BMERB1: variants seen among roughly 807,000 people sequenced by gnomAD.
The protein encoded by BMERB1 is bMERB domain containing 1, also known as bMERB domain-containing protein 1.
Under a neutral mutation model 23.6 loss-of-function variants are expected in BMERB1, and 12 were observed. The observed-to-expected ratio is 0.51, with a 90% CI of 0.33 to 0.82. The LOEUF (loss-of-function observed/expected upper bound fraction) is 0.82, where lower values mean the gene tolerates loss of function less well. Ranked by LOEUF, BMERB1 falls within the 40% of genes least tolerant of loss-of-function variation. BMERB1 has a pLI of 0.03. For synonymous variants in BMERB1, 122 were observed against 96.6 expected (o/e 1.26, Z -1.54); for missense variants, 247 against 255.4 (o/e 0.97, Z 0.22).
At chr16:15,446,950 C>G (rs1199524160) in intron 1 of BMERB1, among the ~76,000 whole-genome samples, 1 of 152,148 alleles carries the variant, frequency 6.6e-6, no homozygotes, top group Non-Finnish European at 1.5e-5. Context: ...TTTGAATGAT[C>G]AAGAAGGATT....
chr16:15,451,328 C>T (rs2051039404), intron 1 of BMERB1, among the ~76,000 whole-genome samples: 2 of 151,706 alleles, frequency 1.3e-5, no homozygotes, highest in African/African-American at 2.4e-5. Context: ...GTAGCTGGGA[C>T]CACAGGTGCA....
chr16:15,512,012 C>CAAAAAAAAAAA lies in BMERB1; in HGVS notation c.107-3277_107-3267dup, dbSNP rs57021793. Among the ~76,000 whole-genome samples, 8 of 61,128 alleles carry CAAAAAAAAAAA rather than the reference C, an allele frequency of 1.3e-4. 1 individual carries two copies. The highest frequency in any genetic ancestry group is 1.7e-4 in the African/African-American group (3 of 17,172). 40.1% of individuals were successfully genotyped at this position (61,128 alleles called of 152,430 possible). ...TGGGCAACAGAGCAAGACTTGCTCT[C>CAAAAAAAAAAA]AAAAAAAAAAAAAAAAAAAAAAAAA... On this transcript the variant is annotated intron_variant, in intron 1 of 5. Coordinates refer to ENST00000300006, the MANE Select transcript of BMERB1 (RefSeq NM_033201.3).
chr16:15,571,033 G>A (rs1249245740), intron 3 of BMERB1, among the ~76,000 whole-genome samples: 1 of 150,916 alleles, frequency 6.6e-6, no homozygotes, highest in Admixed American at 6.6e-5. Context: ...GTTTTATCAG[G>A]AAGGTCTTTG....
In BMERB1 at chr16:15,436,293, T is replaced by C. The variant is rs190915184; in HGVS notation, c.106+1534T>C. Among the ~76,000 whole-genome samples, 608 of 150,758 alleles carry C rather than the reference T, an allele frequency of 4.0e-3. 8 individuals carry two copies. The highest frequency in any genetic ancestry group is 0.014 in the African/African-American group (570 of 40,994). ...TTTTTTTTGAGACGGAGTTTCGCTC[T>C]TGTTGCCCAGACTGGAGTGCAATGA... On this transcript the variant is annotated intron_variant, in intron 1 of 5. Coordinates refer to ENST00000300006, the MANE Select transcript of BMERB1 (RefSeq NM_033201.3).
chr16:15,467,346 T>C (rs370335034), intron 1 of BMERB1, among the ~76,000 whole-genome samples: 17 of 152,322 alleles, frequency 1.1e-4, no homozygotes, highest in African/African-American at 4.1e-4. Context: ...CATCCTCACC[T>C]GCATTTGGTG....
intron 2 of BMERB1, among the ~76,000 whole-genome samples, chr16:15,561,596 G>C (rs142440538): frequency 2.3e-4 from 35 of 152,078 alleles, no homozygotes; most frequent in African/African-American, 7.9e-4. Context: ...CACAGCTAAT[G>C]ATAATAATAG....
At chr16:15,547,459 A>G (rs2029956263) in intron 2 of BMERB1, among the ~76,000 whole-genome samples, 1 of 150,504 alleles carries the variant, frequency 6.6e-6, no homozygotes, top group Non-Finnish European at 1.5e-5. Context: ...CTCCTGCTGC[A>G]GCCTCCCAAA....
intron 1 of BMERB1, among the ~76,000 whole-genome samples, chr16:15,466,720 C>G (rs12927561): frequency 1.3e-5 from 2 of 150,652 alleles, no homozygotes; most frequent in African/African-American, 4.9e-5. Flanking sequence ...ATGTGTGTGT[C>G]TGTGTGTGTG....
chr16:15,559,210 G>C (rs2030351018), intron 2 of BMERB1, among the ~76,000 whole-genome samples: 1 of 152,192 alleles, frequency 6.6e-6, no homozygotes, highest in Admixed American at 6.5e-5. Flanking sequence ...CATTGGCCCA[G>C]AGTAGATGTC....
At chr16:15,568,349 C>G (rs914925982) in intron 3 of BMERB1, among the ~76,000 whole-genome samples, 11 of 152,114 alleles carry the variant, frequency 7.2e-5, no homozygotes, top group African/African-American at 2.7e-4. Context: ...TATAAATATC[C>G]TAAAGAGGCT....
At chr16:15,532,096 CTCCT>C (rs1351185922) in intron 2 of BMERB1, among the ~76,000 whole-genome samples, 2 of 152,174 alleles carry the variant, frequency 1.3e-5, no homozygotes, top group African/African-American at 4.8e-5. Context: ...ATCTTGTTGT[CTCCT>C]GGAATTCCAG....
intron 3 of BMERB1, among the ~76,000 whole-genome samples, chr16:15,577,473 G>A (rs1194645233): frequency 6.6e-6 from 1 of 152,168 alleles, no homozygotes; most frequent in African/African-American, 2.4e-5. Context: ...GCGGGCATAA[G>A]GCAGAGTGAG....
At chr16:15,565,699 T>TA (rs2030544558) in intron 2 of BMERB1, among the ~76,000 whole-genome samples, 1 of 151,940 alleles carries the variant, frequency 6.6e-6, no homozygotes, top group South Asian at 2.1e-4. Context: ...TTTTAAAAAT[T>TA]AAAAAAAGTA....
chr16:15,531,504 T>G (rs139093766), intron 2 of BMERB1, among the ~76,000 whole-genome samples: 17 of 152,136 alleles, frequency 1.1e-4, no homozygotes, highest in African/African-American at 4.1e-4. Context: ...GCAATTCATA[T>G]AAGGGCCAAG....
chr16:15,539,562 G>C (rs1322294147), intron 2 of BMERB1, among the ~76,000 whole-genome samples: 1 of 151,616 alleles, frequency 6.6e-6, no homozygotes, highest in African/African-American at 2.4e-5. Context: ...ATTTTTTTTC[G>C]GCCAGGCATG....
intron 1 of BMERB1, among the ~76,000 whole-genome samples, chr16:15,486,641 C>A (rs1282948445): frequency 6.6e-6 from 1 of 152,038 alleles, no homozygotes; most frequent in African/African-American, 2.4e-5. Flanking sequence ...TCCAGAAATA[C>A]TTCTGAGGGA....
At chr16:15,501,874 G>A (rs2051533664) in intron 1 of BMERB1, among the ~76,000 whole-genome samples, 1 of 151,968 alleles carries the variant, frequency 6.6e-6, no homozygotes, top group South Asian at 2.1e-4. Context: ...CACCACCCTT[G>A]GCCTCTCAAA....
intron 1 of BMERB1, among the ~76,000 whole-genome samples, chr16:15,491,794 C>T (rs2051423249): frequency 6.6e-6 from 1 of 152,186 alleles, no homozygotes; most frequent in Non-Finnish European, 1.5e-5. Context: ...TCAAATGCCA[C>T]TTTCTCATAG....
chr16:15,477,506 C>T lies in BMERB1; in HGVS notation c.107-37799C>T, dbSNP rs567881360. On this transcript the variant is annotated intron_variant, in intron 1 of 5. Transcript: ENST00000300006. ...ATTAGCCAGTTGTGTTGATGCACAC[C>T]TGTAGTCCCAGCTGCTCAGGAGGTT... Among the ~76,000 whole-genome samples the T allele has an allele frequency of 3.7e-3, 556 of 152,262 alleles. 2 individuals are homozygous for T. The highest frequency in any genetic ancestry group is 6.7e-3 in the Non-Finnish European group (457 of 68,020).
Sources: allele counts gnomAD v4.1 joint callset (sites outside exome capture counted in the v4.1 genomes callset), GRCh38; gene constraint gnomAD v4.1.1; transcripts MANE v1.5; gene names NCBI Gene and HGNC (gene_info 2026-07-23, HGNC 2026-07-21).